Variants in PTK2B observed in about 807,000 individuals in gnomAD.
PTK2B encodes the protein protein tyrosine kinase 2 beta, also known as protein-tyrosine kinase 2-beta.
Under a neutral mutation model 142.9 loss-of-function variants are expected in PTK2B, and 71 were observed. The observed-to-expected ratio is 0.50, with a 90% CI of 0.41 to 0.61. PTK2B has a LOEUF of 0.61. Among genes scored for constraint, PTK2B ranks in the 20% least tolerant of loss-of-function variants. The pLI, the probability that PTK2B is intolerant of heterozygous loss-of-function variation, is 0.00. For synonymous variants in PTK2B, 519 were observed against 503.4 expected, an observed-to-expected ratio of 1.03 and a Z score of -0.42; for missense variants, 1,105 against 1,320.4, an observed-to-expected ratio of 0.84 and a Z score of 2.53.
chr8:27,456,224 C>G lies in PTK2B; in HGVS notation c.2814+1613C>G, dbSNP rs377276814. On this transcript the variant is annotated intron_variant, in intron 30 of 30. Transcript: ENST00000346049. ...CTTTAATTGCACTTCCCAGATATTT[C>G]ATTTTTTACAAATTGAACATTTGTG... 2.0e-4 allele frequency among the ~76,000 whole-genome samples: 31 copies of G among 152,316 alleles called. No homozygotes were observed. In the East Asian group the frequency reaches 2.9e-3, roughly 14 times the overall value.
At chr8:27,379,102 G>T (rs1273120164) in intron 1 of PTK2B, among the ~76,000 whole-genome samples, 1 of 152,182 alleles carries the variant, frequency 6.6e-6, no homozygotes, top group Non-Finnish European at 1.5e-5. Flanking sequence ...TTGGGAGCTG[G>T]AAGTAGGTCG....
chr8:27,448,654 A>G (rs1811624663), intron 24 of PTK2B, among the ~76,000 whole-genome samples: 2 of 152,250 alleles, frequency 1.3e-5, no homozygotes, highest in African/African-American at 2.4e-5. Context: ...AGCTCATCCA[A>G]CTGGTACTTA....
chr8:27,327,461 T>C (rs866166641), intron 1 of PTK2B, among the ~76,000 whole-genome samples: 27 of 152,186 alleles, frequency 1.8e-4, no homozygotes, highest in Non-Finnish European at 7.4e-5. Flanking sequence ...AACATACTTA[T>C]ACTCAAACAT....
chr8:27,454,250 C>G lies in PTK2B; in HGVS notation c.2692C>G (p.Leu898Val). The G allele has an allele frequency of 6.2e-7, 1 of 1,614,086 alleles. No individual in the cohort carries two copies. The change falls in exon 29 of 31, where the codon CTC becomes GTC. Residue 898 changes from leucine to valine, a missense_variant. Transcript: ENST00000346049. ...VRAVLELKNELCQLPPEGYVV... is the reference protein window; with the variant it reads ...VRAVLELKNEVCQLPPEGYVV... ...GGCCGTGCTGGAGCTCAAGAATGAGCTCTGTCAGCTGCCCCCCGAGGGCTA... is the reference window on the plus strand; with the variant it reads ...GGCCGTGCTGGAGCTCAAGAATGAGGTCTGTCAGCTGCCCCCCGAGGGCTA...
intron 1 of PTK2B, among the ~76,000 whole-genome samples, chr8:27,346,960 A>G (rs1804747901): frequency 6.6e-6 from 1 of 152,198 alleles, no homozygotes; most frequent in South Asian, 2.1e-4. Flanking sequence ...CCACCGCATT[A>G]TCCCCTGATC....
intron 9 of PTK2B, 74 bp downstream of exon 9, chr8:27,431,546 T>C (rs2132037955): frequency 1.3e-6 from 2 of 1,570,374 alleles, no homozygotes; most frequent in East Asian, 4.5e-5. Flanking sequence ...TCCCGCCCTG[T>C]CTGCCCCTTC....
chr8:27,312,910 G>A (rs188811249), intron 2 of PTK2B, among the ~76,000 whole-genome samples: 103 of 152,336 alleles, frequency 6.8e-4, no homozygotes, highest in African/African-American at 2.4e-3. Context: ...AGGTGTCTGA[G>A]TTAACAGCAG....
At chr8:27,431,088 G>A (rs1810387861) in intron 8 of PTK2B, 72 bp downstream of exon 8, 1 of 1,553,756 alleles carries the variant, frequency 6.4e-7, no homozygotes, top group Admixed American at 1.8e-5. Context: ...GCCAGGAGGG[G>A]GCAGGGAGAG....
chr8:27,358,410 C>CT lies in PTK2B; in HGVS notation c.-38+32734dup, dbSNP rs112046956. Among the ~76,000 whole-genome samples the CT allele has an allele frequency of 6.3e-3, 960 of 152,176 alleles. 8 individuals are homozygous for CT. The highest frequency in any genetic ancestry group is 0.021 in the African/African-American group (881 of 41,530). On this transcript the variant is annotated intron_variant, in intron 1 of 30. Coordinates refer to ENST00000346049, the MANE Select transcript of PTK2B (RefSeq NM_173176.3). ...ATTGTAACTTCTTGGCAAATTTTTC[C>CT]TTTTTAACATGATTCCTCATAATCA... is the stretch of plus-strand genomic sequence containing the variant.
chr8:27,442,798 C>A, intron 21 of PTK2B, 77 bp from the exon 22 acceptor site: 1 of 1,310,696 alleles, frequency 7.6e-7, no homozygotes, highest in Non-Finnish European at 1.1e-6. Context: ...TGGGCCTCCA[C>A]GAAGTACAAA....
chr8:27,341,156 G>C (rs576135762), intron 1 of PTK2B, among the ~76,000 whole-genome samples: 71 of 152,246 alleles, frequency 4.7e-4, no homozygotes, highest in South Asian at 8.3e-4. Context: ...CTACCTCCCC[G>C]GGTGCCCCTC....
intron 4 of PTK2B, 95 bp downstream of exon 4, chr8:27,420,839 C>G (rs994050186): frequency 7.5e-6 from 9 of 1,200,918 alleles, no homozygotes; most frequent in African/African-American, 3.0e-5. Flanking sequence ...AAAGACAAAG[C>G]CCAGATTATG....
chr8:27,429,281 T>C (rs183614375), intron 5 of PTK2B, among the ~76,000 whole-genome samples: 31 of 152,376 alleles, frequency 2.0e-4, no homozygotes, highest in African/African-American at 7.5e-4. Flanking sequence ...TCCCTCACTC[T>C]GCTTATATTA....
intron 1 of PTK2B, among the ~76,000 whole-genome samples, chr8:27,372,471 G>A (rs1806419819): frequency 6.6e-6 from 1 of 152,170 alleles, no homozygotes; most frequent in African/African-American, 2.4e-5. Context: ...AGGGGGGTCA[G>A]CCTTTTGTTC....
intron 1 of PTK2B, among the ~76,000 whole-genome samples, chr8:27,389,925 A>G (rs1807606706): frequency 6.6e-6 from 1 of 152,214 alleles, no homozygotes. Flanking sequence ...CTGAGACTGC[A>G]GGGTCATTGC....
intron 3 of PTK2B, among the ~76,000 whole-genome samples, chr8:27,317,571 T>C (rs2130546453): frequency 6.6e-6 from 1 of 152,390 alleles, no homozygotes; most frequent in Non-Finnish European, 1.5e-5. Context: ...GAATTGTTTT[T>C]TCTTAACTTC....
In PTK2B at chr8:27,435,745, T is replaced by A. The variant is rs747166342; in HGVS notation, c.1195T>A (p.Ser399Thr). The A allele has an allele frequency of 6.2e-7, 1 of 1,614,056 alleles. No homozygotes were observed. The highest frequency in any genetic ancestry group is 8.5e-7 in the Non-Finnish European group (1 of 1,179,996). ...TGAGCCTCTTCCTGTTGTTCCAGAG[T>A]CAGACATCTACGCAGAGATTCCCGA... The part of the protein sequence containing the change: ...SHLSESCSIE[S>T]DIYAEIPDET... Residue 399 changes from serine to threonine, a missense_variant and splice_region_variant, in exon 14 of 31, where the codon TCA becomes ACA. Transcript: ENST00000346049.
In PTK2B at chr8:27,434,634, A is replaced by C. The variant is rs374020142; in HGVS notation, c.1192+75A>C. 5 of 1,483,240 alleles carry C rather than the reference A, an allele frequency of 3.4e-6. No individual in the cohort carries two copies. The African/African-American group carries it at 4.2e-5, about 12-fold the overall frequency. The allele number at this position is 1,483,240 out of a possible 1,614,324, so 91.9% of individuals were successfully genotyped here. The stretch of plus-strand genomic sequence containing the variant: ...TTGCTCCCCACTGCTTGCTCTCGTG[A>C]CATTGCCGAGGGTTTCCTCCAAGTG... On this transcript the variant is annotated intron_variant, in intron 13 of 30. Transcript: ENST00000346049.
intron 13 of PTK2B, 140 bp downstream of exon 13, chr8:27,434,699 C>T (rs1428813048): frequency 9.9e-7 from 1 of 1,009,930 alleles, no homozygotes; most frequent in Non-Finnish European, 1.4e-6. Context: ...TCAGTGATGG[C>T]TTTAAAATAT....
Sources: gnomAD v4.1 joint callset for allele counts (sites outside exome capture counted in the v4.1 genomes callset) on GRCh38, gnomAD v4.1.1 for gene constraint, MANE v1.5 for transcripts, NCBI Gene and HGNC (gene_info 2026-07-23, HGNC 2026-07-21) for gene names.